Variants in JAZF1 observed in about 807,000 individuals in gnomAD.
The protein encoded by JAZF1 is juxtaposed with another zinc finger protein 1.
JAZF1 carries 8 observed loss-of-function variants against 26.4 expected under a neutral mutation model. The ratio of observed to expected loss-of-function variants is 0.30; its 90% confidence interval spans 0.18 to 0.55. JAZF1 has a LOEUF of 0.55. JAZF1 is among the 20% of genes least tolerant of loss of function. JAZF1 has a pLI of 0.94. For synonymous variants in JAZF1, 126 were observed against 122.3 expected (o/e 1.03, Z -0.20); for missense variants, 199 against 322.0 (o/e 0.62, Z 2.92).
chr7:27,909,068 G>A (rs1784314313), intron 2 of JAZF1, among the ~76,000 whole-genome samples: 1 of 152,084 alleles, frequency 6.6e-6, no homozygotes, highest in Admixed American at 6.5e-5. Context: ...GGAGTACAGT[G>A]GCGTGATCAT....
intron 2 of JAZF1, among the ~76,000 whole-genome samples, chr7:27,968,011 G>T (rs1340474339): frequency 6.6e-6 from 1 of 152,132 alleles, no homozygotes; most frequent in East Asian, 1.9e-4. Flanking sequence ...CAAAAAGACT[G>T]GGAAAAGAAT....
chr7:28,135,823 A>C (rs1177577728), intron 1 of JAZF1, among the ~76,000 whole-genome samples: 4 of 152,206 alleles, frequency 2.6e-5, no homozygotes, highest in Non-Finnish European at 5.9e-5. Flanking sequence ...AGTAGGTGGT[A>C]TAAACATAAA....
At chr7:28,069,355 G>T (rs1230594709) in intron 1 of JAZF1, among the ~76,000 whole-genome samples, 1 of 152,166 alleles carries the variant, frequency 6.6e-6, no homozygotes, top group African/African-American at 2.4e-5. Flanking sequence ...TACATCAATT[G>T]GATGTCTGTA....
chr7:28,057,460 T>A (rs1303498853), intron 1 of JAZF1, among the ~76,000 whole-genome samples: 1 of 152,216 alleles, frequency 6.6e-6, no homozygotes, highest in Non-Finnish European at 1.5e-5. Flanking sequence ...ATATGTATTA[T>A]CTCATTTAAT....
At chr7:27,915,282 C>G (rs1165693351) in intron 2 of JAZF1, among the ~76,000 whole-genome samples, 2 of 152,150 alleles carry the variant, frequency 1.3e-5, no homozygotes, top group Admixed American at 1.3e-4. Flanking sequence ...TAATAAATCA[C>G]CAAATTCCAT....
chr7:27,832,659 A>G lies in JAZF1; in HGVS notation c.*141T>C. On this transcript the variant is annotated 3_prime_UTR_variant, in exon 5 of 5. Coordinates refer to ENST00000283928, the MANE Select transcript of JAZF1 (RefSeq NM_175061.4). ...TAACTCTACAAAGATACATCATTCC[A>G]AAATTACAGAAAAAATTTAAAGCAT... 1.6e-6 allele frequency: 1 copy of G among 640,164 alleles called. No homozygotes were observed. The highest frequency in any genetic ancestry group is 2.5e-6 in the Non-Finnish European group (1 of 395,076). The allele number at this position is 640,164 out of a possible 1,614,324, so 39.7% of individuals were successfully genotyped here.
intron 2 of JAZF1, among the ~76,000 whole-genome samples, chr7:27,930,658 G>A (rs1474144559): frequency 1.3e-5 from 2 of 152,060 alleles, no homozygotes; most frequent in Non-Finnish European, 2.9e-5. Context: ...TGAAAAAACT[G>A]TTCAGTTATT....
At chr7:28,127,807 G>C (rs565255240) in intron 1 of JAZF1, among the ~76,000 whole-genome samples, 1 of 152,110 alleles carries the variant, frequency 6.6e-6, no homozygotes, top group African/African-American at 2.4e-5. Flanking sequence ...GAGAAGTGCC[G>C]AGCAAAAGGG....
At chr7:27,907,904 C>A (rs966987132) in intron 2 of JAZF1, among the ~76,000 whole-genome samples, 2 of 152,154 alleles carry the variant, frequency 1.3e-5, no homozygotes, top group Non-Finnish European at 2.9e-5. Flanking sequence ...AGCACTGTGC[C>A]CTAGGTAGTC....
At chr7:27,900,178 G>A (rs1226060452) in intron 2 of JAZF1, among the ~76,000 whole-genome samples, 1 of 152,190 alleles carries the variant, frequency 6.6e-6, no homozygotes, top group African/African-American at 2.4e-5. Context: ...GCTCTGATCT[G>A]GCAGCCGCCG....
chr7:27,972,476 C>T (rs533269796), intron 2 of JAZF1, among the ~76,000 whole-genome samples: 122 of 152,208 alleles, frequency 8.0e-4, no homozygotes, highest in Non-Finnish European at 1.1e-3. Flanking sequence ...GATGCCTGGT[C>T]GCAGAAGCCA....
chr7:28,120,751 T>TG (rs1324833215), intron 1 of JAZF1, among the ~76,000 whole-genome samples: 7 of 152,072 alleles, frequency 4.6e-5, no homozygotes, highest in Admixed American at 3.3e-4. Flanking sequence ...CCACCCCAAG[T>TG]GGGAGATTTG....
rs936471706 is a variant in JAZF1 at position 27,831,804 on chromosome 7, A to G, written c.*996T>C. On this transcript the variant is annotated 3_prime_UTR_variant, in exon 5 of 5. Coordinates refer to ENST00000283928, the MANE Select transcript of JAZF1 (RefSeq NM_175061.4). ...GAATTTTAGTTCTGATTTGCAACCC[A>G]CAGGTTTGGTAGGGCAGTGGTTGCA... 3.6e-5 allele frequency: 8 copies of G among 220,950 alleles called. No individual in the cohort carries two copies. The highest frequency in any genetic ancestry group is 7.3e-5 in the Non-Finnish European group (8 of 110,216). 13.7% of individuals were successfully genotyped at this position (220,950 alleles called of 1,614,324 possible).
intron 1 of JAZF1, among the ~76,000 whole-genome samples, chr7:28,066,602 C>CAAA (rs911062551): frequency 1.8e-3 from 56 of 31,544 alleles, no homozygotes; most frequent in East Asian, 4.6e-3. Flanking sequence ...GACTCCATCT[C>CAAA]AAAAAAAAAA....
chr7:27,882,055 G>T lies in JAZF1; in HGVS notation c.385+13165C>A, dbSNP rs559990074. 7.9e-5 allele frequency among the ~76,000 whole-genome samples: 12 copies of T among 152,340 alleles called. No homozygotes were observed. In the South Asian group the frequency reaches 2.5e-3, roughly 32 times the overall value. ...GGAAACATCTTAGTTGGTAGACAAT[G>T]TCAGGGACCGACTAATTCATTCAAA... On this transcript the variant is annotated intron_variant, in intron 3 of 4. Transcript: ENST00000283928.
chr7:27,994,102 T>C (rs1785962978), intron 1 of JAZF1, among the ~76,000 whole-genome samples: 2 of 152,206 alleles, frequency 1.3e-5, no homozygotes, highest in Non-Finnish European at 2.9e-5. Flanking sequence ...CCCGTGTGTA[T>C]GTGTACAAAG....
intron 3 of JAZF1, among the ~76,000 whole-genome samples, chr7:27,862,089 G>T (rs1017000106): frequency 6.6e-6 from 1 of 152,212 alleles, no homozygotes; most frequent in Non-Finnish European, 1.5e-5. Flanking sequence ...GAAAGGAAGG[G>T]ACATCCCGTG....
At chr7:27,889,458 T>C (rs1406424687) in intron 3 of JAZF1, among the ~76,000 whole-genome samples, 1 of 152,238 alleles carries the variant, frequency 6.6e-6, no homozygotes, top group African/African-American at 2.4e-5. Flanking sequence ...TCCATTCAAC[T>C]CTTTTTAGGG....
chr7:28,157,310 G>A (rs1783201540), intron 1 of JAZF1, among the ~76,000 whole-genome samples: 1 of 152,218 alleles, frequency 6.6e-6, no homozygotes, highest in Non-Finnish European at 1.5e-5. Context: ...AGGTGGCAAA[G>A]TTCCTTTGTA....
Sources: allele counts gnomAD v4.1 joint callset (sites outside exome capture counted in the v4.1 genomes callset), GRCh38; gene constraint gnomAD v4.1.1; transcripts MANE v1.5; gene names NCBI Gene and HGNC (gene_info 2026-07-23, HGNC 2026-07-21).